Variants in ARHGEF9 observed in about 807,000 individuals in gnomAD.
The protein encoded by ARHGEF9 is rho guanine nucleotide exchange factor 9.
In ARHGEF9, 2 loss-of-function variants were observed where a neutral mutation model predicts 41.3. The observed-to-expected ratio is 0.05, with a 90% CI of 0.02 to 0.15. The LOEUF (loss-of-function observed/expected upper bound fraction) is 0.15. Among genes scored for constraint, ARHGEF9 ranks in the 10% least tolerant of loss-of-function variants. ARHGEF9 has a pLI of 1.00. For synonymous variants in ARHGEF9, 160 were observed against 154.4 expected, an observed-to-expected ratio of 1.04 and a Z score of -0.27; for missense variants, 225 against 424.7, an observed-to-expected ratio of 0.53 and a Z score of 4.13.
chrX:63,722,915 T>C (rs1466628497), intron 2 of ARHGEF9: 1 of 111,416 alleles, frequency 9.0e-6, no homozygotes, highest in East Asian at 2.8e-4. Context: ...GAAGAAAAGA[T>C]TGGATATTTC....
At chrX:63,662,264 T>C (rs2049270625) in intron 7 of ARHGEF9, among the ~76,000 whole-genome samples, 2 of 112,055 alleles carry the variant, frequency 1.8e-5, no homozygotes, top group Admixed American at 1.9e-4. Flanking sequence ...AATCAGGATT[T>C]GAGCCCAGAA....
intron 1 of ARHGEF9, among the ~76,000 whole-genome samples, chrX:63,748,468 T>C (rs1368656343): frequency 8.9e-6 from 1 of 111,921 alleles, no homozygotes; most frequent in African/African-American, 3.2e-5. Context: ...GAAAAAATTT[T>C]AAAATCCACA....
At chrX:63,708,907 G>C (rs2052731810) in intron 2 of ARHGEF9, among the ~76,000 whole-genome samples, 1 of 111,981 alleles carries the variant, frequency 8.9e-6, no homozygotes, top group Non-Finnish European at 1.9e-5. Context: ...CCTGATCCCA[G>C]GTTCCCACAA....
intron 3 of ARHGEF9, among the ~76,000 whole-genome samples, chrX:63,701,030 T>G (rs2052126860): frequency 8.9e-6 from 1 of 111,890 alleles, no homozygotes; most frequent in African/African-American, 3.3e-5. Flanking sequence ...ATTGTTATGG[T>G]AACAGCAAGG....
chrX:63,769,929 G>A (rs2056176174), intron 1 of ARHGEF9, among the ~76,000 whole-genome samples: 1 of 112,561 alleles, frequency 8.9e-6, no homozygotes, highest in Non-Finnish European at 1.9e-5. Flanking sequence ...AGTGTGAAAG[G>A]AAAATGTGGG....
rs28694242 is a variant in ARHGEF9, at chrX:63,764,969, T to C, written c.30+20147A>G. On this transcript the variant is annotated intron_variant, in intron 1 of 9. Transcript: ENST00000671741. ...GCACGTGTACCCTGGAATTTAAAAGTTGAAGAAAAATAAAACAACACAAAA... is the reference window on the plus strand; with the variant it reads ...GCACGTGTACCCTGGAATTTAAAAGCTGAAGAAAAATAAAACAACACAAAA... Among the ~76,000 whole-genome samples the C allele has an allele frequency of 2.7e-5, 3 of 111,293 alleles. No homozygotes were observed. In the East Asian group the frequency reaches 8.5e-4, roughly 31 times the overall value.
intron 8 of ARHGEF9, among the ~76,000 whole-genome samples, chrX:63,649,692 G>A (rs781815162): frequency 9.0e-6 from 1 of 111,369 alleles, no homozygotes; most frequent in East Asian, 2.8e-4. Flanking sequence ...TAGACCACTA[G>A]CAAGACTAAT....
At chrX:63,689,000 CAAAT>C (rs1247879551) in intron 4 of ARHGEF9, among the ~76,000 whole-genome samples, 1 of 111,111 alleles carries the variant, frequency 9.0e-6, no homozygotes, top group Admixed American at 9.6e-5. Flanking sequence ...CTAACAAAAG[CAAAT>C]AATTAATACA....
At chrX:63,671,685 T>C (rs1478503562) in intron 6 of ARHGEF9, among the ~76,000 whole-genome samples, 20 of 112,119 alleles carry the variant, frequency 1.8e-4, no homozygotes, top group African/African-American at 5.8e-4. Context: ...TGCAAGGTGT[T>C]TGAGAGTAAG....
intron 8 of ARHGEF9, among the ~76,000 whole-genome samples, chrX:63,649,488 G>A (rs1459335230): frequency 1.8e-5 from 2 of 111,514 alleles, no homozygotes; most frequent in Non-Finnish European, 3.8e-5. Flanking sequence ...GAGAAAGCAG[G>A]AAAGATCTTA....
At chrX:63,679,280 G>C (rs782344027) in intron 4 of ARHGEF9, among the ~76,000 whole-genome samples, 17 of 111,203 alleles carry the variant, frequency 1.5e-4, no homozygotes, top group Admixed American at 5.7e-4. Flanking sequence ...AGGGGAATCT[G>C]GGTATTTTTT....
chrX:63,764,232 G>T (rs1421427201), intron 1 of ARHGEF9, among the ~76,000 whole-genome samples: 2 of 112,491 alleles, frequency 1.8e-5, no homozygotes, highest in Admixed American at 1.9e-4. Context: ...CAACAATACT[G>T]ATCATTACAG....
intron 1 of ARHGEF9, among the ~76,000 whole-genome samples, chrX:63,776,474 G>C (rs1463732167): frequency 1.8e-5 from 2 of 111,815 alleles, no homozygotes; most frequent in Non-Finnish European, 3.8e-5. Flanking sequence ...TCATATACTT[G>C]TACCACCAAA....
intron 8 of ARHGEF9, among the ~76,000 whole-genome samples, chrX:63,647,455 T>G (rs1239587221): frequency 8.9e-6 from 1 of 111,995 alleles, no homozygotes; most frequent in Admixed American, 9.5e-5. Flanking sequence ...TGTTGAATTT[T>G]GTCAAAGGCC....
In ARHGEF9 at chrX:63,699,660, T is replaced by A. The variant is rs1399171386; in HGVS notation, c.403-2356A>T. ...ATGGCAGGGGATATATTAGGAAGAA[T>A]GCCCACAGGATGGTAGGACCTTAGA... On this transcript the variant is annotated intron_variant, in intron 3 of 9. Coordinates refer to ENST00000671741, the MANE Select transcript of ARHGEF9 (RefSeq NM_001353921.2). Among the ~76,000 whole-genome samples the A allele has an allele frequency of 2.7e-5, 3 of 112,104 alleles. No individual in the cohort carries two copies. In the Admixed American group the frequency reaches 2.8e-4, roughly 11 times the overall value.
chrX:63,762,148 T>A (rs1341780967), intron 1 of ARHGEF9, among the ~76,000 whole-genome samples: 1 of 111,618 alleles, frequency 9.0e-6, no homozygotes, highest in African/African-American at 3.3e-5. Flanking sequence ...ACTCATTCAG[T>A]CAGCTAAGCC....
chrX:63,755,079 G>C (rs1407746374), intron 1 of ARHGEF9: 1 of 937,328 alleles, frequency 1.1e-6, no homozygotes, highest in Non-Finnish European at 1.3e-6. Context: ...CCAGACACTC[G>C]TTCGATCCCT....
intron 1 of ARHGEF9, among the ~76,000 whole-genome samples, chrX:63,738,059 T>C (rs1238382205): frequency 2.7e-5 from 3 of 112,214 alleles, no homozygotes; most frequent in Non-Finnish European, 5.6e-5. Flanking sequence ...TTGAAGTTCA[T>C]AGAGCCAGAA....
chrX:63,645,790 T>C (rs2048006137), intron 8 of ARHGEF9, among the ~76,000 whole-genome samples: 1 of 112,096 alleles, frequency 8.9e-6, no homozygotes, highest in South Asian at 3.7e-4. Flanking sequence ...TCTAGATCCC[T>C]GAGGAATCAC....
Sources: allele counts gnomAD v4.1 joint callset (sites outside exome capture counted in the v4.1 genomes callset), GRCh38; gene constraint gnomAD v4.1.1; transcripts MANE v1.5; gene names NCBI Gene and HGNC (gene_info 2026-07-23, HGNC 2026-07-21).